The following PIP5K1A variants were observed in gnomAD, a reference collection of about 807,000 sequenced individuals.
The protein encoded by PIP5K1A is phosphatidylinositol 4-phosphate 5-kinase type-1 alpha.
A neutral mutation model predicts 72.9 loss-of-function variants in PIP5K1A; 46 were observed. The observed-to-expected ratio is 0.63, with a 90% CI of 0.50 to 0.81. PIP5K1A has a LOEUF of 0.81. Ranked by LOEUF, PIP5K1A falls within the 30% of genes least tolerant of loss-of-function variation. The pLI is 0.00. For synonymous variants in PIP5K1A, 228 were observed against 255.1 expected (o/e 0.89, Z 1.01); for missense variants, 458 against 706.1 (o/e 0.65, Z 3.98).
intron 1 of PIP5K1A, among the ~76,000 whole-genome samples, chr1:151,218,575 G>A (rs1280804888): frequency 6.6e-6 from 1 of 152,144 alleles, no homozygotes; most frequent in East Asian, 1.9e-4. Context: ...AGTGGCTCAC[G>A]CCTGTAATCC....
chr1:151,243,145 G>C (rs972914066), intron 14 of PIP5K1A, among the ~76,000 whole-genome samples: 1 of 152,200 alleles, frequency 6.6e-6, no homozygotes, highest in Admixed American at 6.5e-5. Flanking sequence ...ACCAGGAGGT[G>C]CAGGGATCAT....
upstream of PIP5K1A, among the ~76,000 whole-genome samples, chr1:151,195,535 G>A (rs1684536800): frequency 6.6e-6 from 1 of 152,074 alleles, no homozygotes; most frequent in Non-Finnish European, 1.5e-5. Flanking sequence ...CAGGGACTGA[G>A]TGGGAGTTGG....
intron 1 of PIP5K1A, among the ~76,000 whole-genome samples, chr1:151,218,559 G>A (rs974455051): frequency 2.0e-5 from 3 of 152,012 alleles, no homozygotes; most frequent in Non-Finnish European, 4.4e-5. Flanking sequence ...AGATGAGGCC[G>A]GGCTCAGTGG....
rs965849029 is a variant in PIP5K1A, at chr1:151,226,802, G to A, written c.157-518G>A. Reference sequence around the variant, plus strand: ...AGCACTTTGGGAGGCTGAGGCAGGTGGATCACTTGAGGTCAGCAATTTGAG... The same window carrying A: ...AGCACTTTGGGAGGCTGAGGCAGGTAGATCACTTGAGGTCAGCAATTTGAG... On this transcript the variant is annotated intron_variant, in intron 3 of 15. Coordinates refer to ENST00000368888, the MANE Select transcript of PIP5K1A (RefSeq NM_001135638.2). 2.6e-5 allele frequency among the ~76,000 whole-genome samples: 4 copies of A among 152,018 alleles called. No homozygotes were observed. In the South Asian group the frequency reaches 8.3e-4, roughly 32 times the overall value.
chr1:151,213,897 A>G (rs1203857593), intron 1 of PIP5K1A, among the ~76,000 whole-genome samples: 1 of 152,200 alleles, frequency 6.6e-6, no homozygotes, highest in African/African-American at 2.4e-5. Flanking sequence ...TATATAGGTA[A>G]GGAAAAATAG....
intron 14 of PIP5K1A, among the ~76,000 whole-genome samples, chr1:151,245,062 C>T (rs920210631): frequency 8.6e-5 from 13 of 151,752 alleles, no homozygotes; most frequent in Admixed American, 2.0e-4. Context: ...ATTTTAGCAT[C>T]GTTTGCTCTC....
chr1:151,245,638 C>T (rs771079471), intron 14 of PIP5K1A, among the ~76,000 whole-genome samples: 6 of 152,096 alleles, frequency 3.9e-5, no homozygotes, highest in Non-Finnish European at 7.4e-5. Flanking sequence ...CAGGTTCAAG[C>T]GATTCTCCTA....
intron 8 of PIP5K1A, among the ~76,000 whole-genome samples, chr1:151,236,014 G>C (rs1169172034): frequency 6.6e-6 from 1 of 151,810 alleles, no homozygotes; most frequent in East Asian, 1.9e-4. Flanking sequence ...CCAGCTACTT[G>C]GGAGGCTGAG....
At chr1:151,206,611 G>T (rs987052039) in intron 1 of PIP5K1A, among the ~76,000 whole-genome samples, 3 of 152,102 alleles carry the variant, frequency 2.0e-5, no homozygotes, top group African/African-American at 4.8e-5. Flanking sequence ...TTTTGCCCAG[G>T]CTGGAGTGCA....
intron 1 of PIP5K1A, among the ~76,000 whole-genome samples, chr1:151,221,861 C>T (rs190821525): frequency 6.6e-6 from 1 of 152,078 alleles, no homozygotes; most frequent in East Asian, 1.9e-4. Flanking sequence ...CACTTGAATC[C>T]AGGAGTTTGA....
intron 4 of PIP5K1A, among the ~76,000 whole-genome samples, chr1:151,231,338 G>A (rs1240928237): frequency 2.6e-5 from 4 of 152,068 alleles, no homozygotes; most frequent in Non-Finnish European, 4.4e-5. Flanking sequence ...AACTAAGAAC[G>A]TTGTGTCAAT....
upstream of PIP5K1A, chr1:151,197,981 C>A: frequency 2.2e-6 from 1 of 461,598 alleles, no homozygotes; most frequent in Non-Finnish European, 4.5e-6. Context: ...TCCCTGATAG[C>A]CTCCCGTGCC....
chr1:151,247,007 T>G lies in PIP5K1A; in HGVS notation c.1686+42T>G, dbSNP rs371540661. ...TGTGGGAGGTGAACGTTTTGCAAGG[T>G]ATAAAGAGGATCACTGATGGCCTGG... On this transcript the variant is annotated intron_variant, in intron 15 of 15. Transcript: ENST00000368888. The G allele has an allele frequency of 4.7e-6, 7 of 1,474,358 alleles. No individual in the cohort carries two copies. The African/African-American group carries it at 9.7e-5, about 20-fold the overall frequency. 91.3% of individuals were successfully genotyped at this position (1,474,358 alleles called of 1,614,324 possible).
intron 1 of PIP5K1A, among the ~76,000 whole-genome samples, chr1:151,215,131 A>G (rs2102218352): frequency 6.6e-6 from 1 of 151,016 alleles, no homozygotes; most frequent in South Asian, 2.1e-4. Flanking sequence ...CCCGGGTTCA[A>G]GCGATTCTCC....
intron 3 of PIP5K1A, among the ~76,000 whole-genome samples, 176 bp downstream of exon 3, chr1:151,224,582 G>A (rs1321247127): frequency 2.6e-5 from 4 of 152,074 alleles, no homozygotes; most frequent in Admixed American, 6.6e-5. Context: ...ACTACAGTGA[G>A]GCAAATACTG....
chr1:151,239,227 C>G (rs752758636), intron 11 of PIP5K1A, 49 bp downstream of exon 11: 1 of 1,181,778 alleles, frequency 8.5e-7, no homozygotes, highest in Non-Finnish European at 1.2e-6. Context: ...CTGCCTCCAT[C>G]ACTTCTGATT....
intron 12 of PIP5K1A, 58 bp from the exon 13 acceptor site, chr1:151,242,065 G>A (rs1691813501): frequency 6.4e-7 from 1 of 1,561,422 alleles, no homozygotes; most frequent in Non-Finnish European, 8.8e-7. Context: ...TTGTATCTAT[G>A]TCTTGGTAAT....
intron 1 of PIP5K1A, among the ~76,000 whole-genome samples, chr1:151,199,370 T>C (rs1279967330): frequency 6.6e-6 from 1 of 152,092 alleles, no homozygotes; most frequent in East Asian, 1.9e-4. Context: ...CTCAGCACTT[T>C]GGGAGGCCTT....
intron 1 of PIP5K1A, 156 bp downstream of exon 1, chr1:151,199,237 G>T: frequency 7.2e-7 from 1 of 1,393,768 alleles, no homozygotes; most frequent in East Asian, 2.5e-5. Context: ...GAGCGGGCAG[G>T]AGTTTGAGGA....
Sources: allele counts gnomAD v4.1 joint callset (sites outside exome capture counted in the v4.1 genomes callset), GRCh38; gene constraint gnomAD v4.1.1; transcripts MANE v1.5; gene names NCBI Gene and HGNC (gene_info 2026-07-23, HGNC 2026-07-21).